The following PREX1 variants were observed in gnomAD, a reference collection of about 807,000 sequenced individuals.
PREX1 encodes phosphatidylinositol-3,4,5-trisphosphate dependent Rac exchange factor 1.
A neutral mutation model predicts 198.3 loss-of-function variants in PREX1; 41 were observed. That is an observed-to-expected ratio of 0.21 (90% CI 0.16 to 0.27). PREX1 has a LOEUF of 0.27. Ranked by LOEUF, PREX1 falls within the 10% of genes least tolerant of loss-of-function variation. The probability of loss-of-function intolerance (pLI) is 1.00; values close to 1 mark genes in which losing one functional copy is unlikely to be tolerated. For missense variants in PREX1, 1,620 were observed against 2,200.7 expected (o/e 0.74, Z 5.28); for synonymous variants, 843 against 887.2 (o/e 0.95, Z 0.89).
rs749760233 is a variant in PREX1, at chr20:48,653,421, A to G, written c.2286T>C (p.Asp762=). The G allele has an allele frequency of 6.2e-6, 10 of 1,614,000 alleles. No individual in the cohort carries two copies. In the South Asian group the frequency reaches 7.7e-5, roughly 12 times the overall value. ...AGTGCTCCAGGACCTCAGGGGCACC[A>G]TCGTTCATCACGTTGCTGCCATTGA... is the stretch of plus-strand genomic sequence containing the variant. The part of the protein sequence containing the change: ...LKVNGSNVMN[D]GAPEVLEHFQ... The change falls in exon 20 of 40, where the codon GAT becomes GAC. Residue 762 remains aspartate (D), a synonymous_variant. Transcript: ENST00000371941.
chr20:48,820,842 G>A (rs1488296813), intron 1 of PREX1, among the ~76,000 whole-genome samples: 1 of 152,226 alleles, frequency 6.6e-6, no homozygotes, highest in Non-Finnish European at 1.5e-5. Context: ...TGAAGGCTGA[G>A]AGACTAGTGG....
At chr20:48,847,947 T>C in the PREX1 span, among the ~76,000 whole-genome samples, 1 of 152,186 alleles carries the variant, frequency 6.6e-6, no homozygotes. Flanking sequence ...GCTTGTTCTT[T>C]TTCATTGTTG....
At chr20:48,755,264 T>C (rs1402476797) in intron 1 of PREX1, among the ~76,000 whole-genome samples, 2 of 152,176 alleles carry the variant, frequency 1.3e-5, no homozygotes, top group African/African-American at 2.4e-5. Flanking sequence ...TCCCTAGGCA[T>C]AGAAAAATGA....
At chr20:48,824,043 T>C (rs965876884) in intron 1 of PREX1, among the ~76,000 whole-genome samples, 23 of 152,184 alleles carry the variant, frequency 1.5e-4, no homozygotes, top group Admixed American at 5.2e-4. Context: ...ATGACTGTCA[T>C]TGTTTTCATC....
At chr20:48,708,094 T>A (rs2089912045) in intron 6 of PREX1, among the ~76,000 whole-genome samples, 166 bp downstream of exon 6, 1 of 152,250 alleles carries the variant, frequency 6.6e-6, no homozygotes, top group Admixed American at 6.5e-5. Context: ...AATGCAAATT[T>A]GTATTTGGAT....
At chr20:48,810,804 T>C (rs2090430599) in intron 1 of PREX1, among the ~76,000 whole-genome samples, 1 of 149,838 alleles carries the variant, frequency 6.7e-6, no homozygotes, top group Admixed American at 6.7e-5. Flanking sequence ...GAAGAATCAC[T>C]TGAACCCGGG....
intron 1 of PREX1, among the ~76,000 whole-genome samples, chr20:48,818,248 G>C (rs964108559): frequency 2.0e-5 from 3 of 152,152 alleles, no homozygotes; most frequent in Non-Finnish European, 2.9e-5. Context: ...CTGGATAATG[G>C]GGATGACTGC....
intron 15 of PREX1, among the ~76,000 whole-genome samples, chr20:48,662,824 C>T (rs1376274979): frequency 6.6e-6 from 1 of 152,218 alleles, no homozygotes. Context: ...CAATTTCTCT[C>T]CCTGAGAGCC....
intron 13 of PREX1, among the ~76,000 whole-genome samples, chr20:48,678,330 G>A (rs2089723445): frequency 6.6e-6 from 1 of 151,956 alleles, no homozygotes; most frequent in South Asian, 2.1e-4. Flanking sequence ...AATTAGCTAG[G>A]CATGGTGGTG....
intron 22 of PREX1, 108 bp from the exon 23 acceptor site, chr20:48,651,163 G>T: frequency 7.1e-7 from 1 of 1,408,836 alleles, no homozygotes; most frequent in Non-Finnish European, 9.6e-7. Flanking sequence ...CGGGAAGTCA[G>T]GTGTGTTGCT....
intron 5 of PREX1, among the ~76,000 whole-genome samples, chr20:48,718,486 C>CA (rs1437945507): frequency 5.9e-5 from 9 of 151,696 alleles, no homozygotes; most frequent in African/African-American, 2.2e-4. Context: ...GCAAAAGCAT[C>CA]AAAAAAAGAG....
chr20:48,727,412 G>A (rs1248772162), intron 4 of PREX1, among the ~76,000 whole-genome samples: 6 of 151,712 alleles, frequency 4.0e-5, no homozygotes, highest in South Asian at 4.2e-4. Flanking sequence ...TGCCTCTCTC[G>A]GCTCATTCCA....
At chr20:48,647,082 T>C (rs1339972394) in intron 25 of PREX1, among the ~76,000 whole-genome samples, 1 of 151,896 alleles carries the variant, frequency 6.6e-6, no homozygotes, top group Non-Finnish European at 1.5e-5. Flanking sequence ...ATACAAAAAT[T>C]AGCCAGGCAT....
chr20:48,681,896 A>C (rs989411624), intron 10 of PREX1, among the ~76,000 whole-genome samples: 1 of 152,120 alleles, frequency 6.6e-6, no homozygotes, highest in Non-Finnish European at 1.5e-5. Flanking sequence ...GATGAACAGA[A>C]GGAATGGACA....
At chr20:48,649,704 T>A in intron 24 of PREX1, 128 bp from the exon 25 acceptor site, 2 of 1,164,022 alleles carry the variant, frequency 1.7e-6, no homozygotes, top group Non-Finnish European at 2.4e-6. Flanking sequence ...TAAATACTCT[T>A]AATTCATTCA....
chr20:48,694,695 GGTAA>G (rs2089836498), intron 7 of PREX1, among the ~76,000 whole-genome samples: 1 of 152,198 alleles, frequency 6.6e-6, no homozygotes, highest in South Asian at 2.1e-4. Flanking sequence ...ACTGTAAGTG[GGTAA>G]ATGAAATAGG....
At chr20:48,766,796 C>A (rs924196427) in intron 1 of PREX1, among the ~76,000 whole-genome samples, 1 of 152,232 alleles carries the variant, frequency 6.6e-6, no homozygotes, top group Non-Finnish European at 1.5e-5. Context: ...CATCTTCTTT[C>A]ATTTATGCTC....
intron 35 of PREX1, 105 bp from the exon 36 acceptor site, chr20:48,630,899 G>A (rs868056046): frequency 3.0e-5 from 25 of 829,774 alleles, no homozygotes; most frequent in Non-Finnish European, 4.1e-5. Flanking sequence ...GCCCTCTGCC[G>A]ACTCTCAGAA....
chr20:48,730,085 C>T (rs959612361), intron 4 of PREX1, among the ~76,000 whole-genome samples: 3 of 151,942 alleles, frequency 2.0e-5, no homozygotes, highest in Non-Finnish European at 4.4e-5. Context: ...GGAGGGAGCA[C>T]CCACCGACAC....
Sources: gnomAD v4.1 joint callset for allele counts (sites outside exome capture counted in the v4.1 genomes callset) on GRCh38, gnomAD v4.1.1 for gene constraint, MANE v1.5 for transcripts, NCBI Gene and HGNC (gene_info 2026-07-23, HGNC 2026-07-21) for gene names.